Variants in WASF3 observed in about 807,000 individuals in gnomAD.
WASF3 encodes the protein actin-binding protein WASF3.
WASF3 carries 11 observed loss-of-function variants against 46.6 expected under a neutral mutation model. The observed-to-expected ratio is 0.24, with a 90% CI of 0.15 to 0.39. The LOEUF is 0.39. Among genes scored for constraint, WASF3 ranks in the 10% least tolerant of loss-of-function variants. WASF3 has a pLI of 1.00. For synonymous variants in WASF3, 242 were observed against 259.7 expected, an observed-to-expected ratio of 0.93 and a Z score of 0.65; for missense variants, 576 against 669.8, an observed-to-expected ratio of 0.86 and a Z score of 1.55.
chr13:26,588,067 A>C (rs974834842), intron 1 of WASF3, among the ~76,000 whole-genome samples: 2 of 152,192 alleles, frequency 1.3e-5, no homozygotes, highest in Non-Finnish European at 2.9e-5. Context: ...GAATTGGTTG[A>C]CTCTAGTTAC....
At chr13:26,624,148 A>G (rs1425420679) in intron 2 of WASF3, among the ~76,000 whole-genome samples, 1 of 152,258 alleles carries the variant, frequency 6.6e-6, no homozygotes, top group Non-Finnish European at 1.5e-5. Context: ...GCAATCAGCA[A>G]TCAATGGAAA....
At chr13:26,664,573 C>T (rs1882718026) in intron 3 of WASF3, among the ~76,000 whole-genome samples, 1 of 152,112 alleles carries the variant, frequency 6.6e-6, no homozygotes, top group Non-Finnish European at 1.5e-5. Flanking sequence ...GAATTTAATG[C>T]CATTGGAAAG....
rs73168094 is a variant in WASF3, at chr13:26,671,063, T to G, written c.423-809T>G. Among the ~76,000 whole-genome samples the G allele has an allele frequency of 8.9e-3, 1,352 of 152,324 alleles. 10 individuals are homozygous for G. The highest frequency in any genetic ancestry group is 0.017 in the Middle Eastern group (5 of 294). Reference sequence around the variant, plus strand: ...TGCTGATATGAAGTAATATAAAATGTTCTGCCTCCTTTTGAAGGTAGTCTT... The same window carrying G: ...TGCTGATATGAAGTAATATAAAATGGTCTGCCTCCTTTTGAAGGTAGTCTT... On this transcript the variant is annotated intron_variant, in intron 5 of 9. Coordinates refer to ENST00000335327, the MANE Select transcript of WASF3 (RefSeq NM_006646.6).
At chr13:26,646,899 T>A (rs1480594877) in intron 3 of WASF3, among the ~76,000 whole-genome samples, 1 of 152,236 alleles carries the variant, frequency 6.6e-6, no homozygotes, top group African/African-American at 2.4e-5. Flanking sequence ...TGGAGACAGT[T>A]CAGGGTCATG....
chr13:26,624,002 C>T (rs1301073716), intron 2 of WASF3, among the ~76,000 whole-genome samples: 1 of 152,204 alleles, frequency 6.6e-6, no homozygotes, highest in East Asian at 1.9e-4. Flanking sequence ...GCTAGAAGAA[C>T]ATGTGAATTC....
chr13:26,642,526 G>A (rs1882030182), intron 3 of WASF3, 123 bp downstream of exon 3: 1 of 1,194,150 alleles, frequency 8.4e-7, no homozygotes, highest in Admixed American at 2.8e-5. Context: ...TTCTCCTTCT[G>A]TATTTCCCAG....
At chr13:26,637,669 T>A (rs2054579712) in intron 2 of WASF3, among the ~76,000 whole-genome samples, 2 of 152,242 alleles carry the variant, frequency 1.3e-5, no homozygotes, top group African/African-American at 2.4e-5. Flanking sequence ...TCTGGAATTT[T>A]TCCACTGAAT....
chr13:26,607,317 T>TA (rs1832087586), intron 1 of WASF3, among the ~76,000 whole-genome samples: 1 of 152,158 alleles, frequency 6.6e-6, no homozygotes, highest in Admixed American at 6.5e-5. Context: ...TAATTAAAAA[T>TA]AAAGATCTAA....
intron 1 of WASF3, chr13:26,606,437 G>A (rs892291392): frequency 9.3e-5 from 14 of 150,910 alleles, no homozygotes; most frequent in African/African-American, 3.2e-4. Flanking sequence ...CTCACTGCAG[G>A]CTTGACCTCC....
the WASF3 span, among the ~76,000 whole-genome samples, chr13:26,543,150 G>A: frequency 0.39 from 58,943 of 151,646 alleles, 11,692 homozygotes; most frequent in South Asian, 0.49. Context: ...GGAGGTGGTG[G>A]GGACGTGGAG....
chr13:26,598,905 C>G (rs570010168), intron 1 of WASF3, among the ~76,000 whole-genome samples: 1 of 152,310 alleles, frequency 6.6e-6, no homozygotes, highest in South Asian at 2.1e-4. Flanking sequence ...GAGTCTCGCT[C>G]TGTTGCCCAG....
In WASF3 at chr13:26,671,914, C is replaced by G. The variant is rs1244583976; in HGVS notation, c.465C>G (p.Ser155=). The G allele has an allele frequency of 2.5e-6, 4 of 1,610,972 alleles. No homozygotes were observed. Among genetic ancestry groups the G allele is most frequent in the Non-Finnish European group, 1.7e-6 (2 of 1,179,216 alleles). ...GGCTGAAGTTCTATACTGATCCTTCCTATTTCTTTGACCTCTGGAAAGAAA... is the reference window on the plus strand; with the variant it reads ...GGCTGAAGTTCTATACTGATCCTTCGTATTTCTTTGACCTCTGGAAAGAAA... The part of the protein sequence containing the change: ...KDGLKFYTDP[S]YFFDLWKEKM... Residue 155 remains serine (S), a synonymous_variant, in exon 6 of 10, where the codon TCC becomes TCG. Transcript: ENST00000335327.
intron 1 of WASF3, chr13:26,577,106 T>G (rs998868221): frequency 5.0e-6 from 4 of 793,522 alleles, no homozygotes; most frequent in Non-Finnish European, 4.5e-6. Flanking sequence ...CTTGCTGATT[T>G]GCAGAAAGAT....
chr13:26,540,236 T>C, the WASF3 span, among the ~76,000 whole-genome samples: 6 of 152,132 alleles, frequency 3.9e-5, no homozygotes, highest in African/African-American at 9.7e-5. Flanking sequence ...ATATTATAAT[T>C]ACCACCAGAA....
At chr13:26,644,528 A>G (rs144415268) in intron 3 of WASF3, among the ~76,000 whole-genome samples, 12 of 152,298 alleles carry the variant, frequency 7.9e-5, no homozygotes, top group African/African-American at 2.9e-4. Flanking sequence ...GTGAGCTTTA[A>G]AACAGGATGC....
chr13:26,607,763 GT>G (rs1410678779), intron 1 of WASF3, among the ~76,000 whole-genome samples: 1 of 152,036 alleles, frequency 6.6e-6, no homozygotes, highest in East Asian at 1.9e-4. Flanking sequence ...AGCCTTCTGA[GT>G]AGGTGGAACC....
the WASF3 span, among the ~76,000 whole-genome samples, chr13:26,545,948 G>A: frequency 6.6e-6 from 1 of 152,108 alleles, no homozygotes; most frequent in Non-Finnish European, 1.5e-5. Context: ...TCTTAATGTG[G>A]TTTAATAAAT....
chr13:26,620,309 C>T (rs946384239), intron 2 of WASF3, among the ~76,000 whole-genome samples: 4 of 151,940 alleles, frequency 2.6e-5, no homozygotes, highest in African/African-American at 9.7e-5. Flanking sequence ...GATGTAGGTT[C>T]AAATATTAAA....
intron 1 of WASF3, among the ~76,000 whole-genome samples, chr13:26,559,742 TG>T (rs1215181816): frequency 6.6e-6 from 1 of 151,936 alleles, no homozygotes; most frequent in Non-Finnish European, 1.5e-5. Flanking sequence ...TTTTTCACTT[TG>T]GGTGGCTCTC....
Sources: allele counts gnomAD v4.1 joint callset (sites outside exome capture counted in the v4.1 genomes callset), GRCh38; gene constraint gnomAD v4.1.1; transcripts MANE v1.5; gene names NCBI Gene and HGNC (gene_info 2026-07-23, HGNC 2026-07-21).